The following HTR1F variants were observed in gnomAD, a reference collection of about 807,000 sequenced individuals.
HTR1F encodes 5-hydroxytryptamine receptor 1F.
A neutral mutation model predicts 24.0 loss-of-function variants in HTR1F; 17 were observed. That is an observed-to-expected ratio of 0.71 (90% CI 0.48 to 1.06). HTR1F has a LOEUF of 1.06. HTR1F is among the 50% of genes least tolerant of loss of function. HTR1F has a pLI of 0.00. For missense variants in HTR1F, 391 were observed against 427.8 expected (o/e 0.91, Z 0.76); for synonymous variants, 186 against 156.8 (o/e 1.19, Z -1.39).
chr3:87,822,133 TC>T lies in HTR1F; in HGVS notation c.-43+12del, dbSNP rs1157897884. Among the ~76,000 whole-genome samples, 1 of 152,018 alleles carries T rather than the reference TC, an allele frequency of 6.6e-6. No individual in the cohort carries two copies. The highest frequency in any genetic ancestry group is 6.6e-5 in the Admixed American group (1 of 15,266). ...CAATCTACCACAGTATGGTAAGCATTCCCAGCTTTAAACCATGAAGAAAAAT... is the reference window on the plus strand; with the variant it reads ...CAATCTACCACAGTATGGTAAGCATTCCAGCTTTAAACCATGAAGAAAAAT... On this transcript the variant is annotated intron_variant, in intron 2 of 2. Coordinates refer to ENST00000319595, the MANE Select transcript of HTR1F (RefSeq NM_001322209.2).
In HTR1F at chr3:87,867,013, A is replaced by C. The variant is rs577143610; in HGVS notation, c.-43+44889A>C. 2.0e-5 allele frequency among the ~76,000 whole-genome samples: 3 copies of C among 152,084 alleles called. No individual in the cohort carries two copies. In the South Asian group the frequency reaches 6.3e-4, roughly 32 times the overall value. ...AATTAAGTTTATAAACAAAATACTG[A>C]TGCAATATGATGGTTGCAGAAAATT... On this transcript the variant is annotated intron_variant, in intron 2 of 2. Transcript: ENST00000319595.
chr3:87,896,188 A>G (rs767714815), intron 2 of HTR1F, among the ~76,000 whole-genome samples: 170 of 152,110 alleles, frequency 1.1e-3, no homozygotes, highest in East Asian at 3.3e-3. Context: ...CAGCCAATCA[A>G]TCTCACCTCA....
At chr3:87,846,529 G>T (rs1023272497) in intron 2 of HTR1F, among the ~76,000 whole-genome samples, 3 of 151,936 alleles carry the variant, frequency 2.0e-5, no homozygotes, top group East Asian at 3.9e-4. Context: ...GAAAAATAAG[G>T]CTCATAAAAA....
intron 2 of HTR1F, among the ~76,000 whole-genome samples, chr3:87,857,214 TTA>T (rs1157417390): frequency 6.6e-6 from 1 of 152,052 alleles, no homozygotes; most frequent in African/African-American, 2.4e-5. Context: ...ACAAATATTT[TTA>T]TGTTGTAGTA....
intron 2 of HTR1F, among the ~76,000 whole-genome samples, chr3:87,872,855 C>G (rs1372707623): frequency 6.6e-6 from 1 of 151,948 alleles, no homozygotes; most frequent in Non-Finnish European, 1.5e-5. Context: ...ACAACTCCGC[C>G]AAACTTTTAA....
intron 2 of HTR1F, among the ~76,000 whole-genome samples, chr3:87,866,899 C>T (rs1005893300): frequency 2.1e-4 from 32 of 150,006 alleles, no homozygotes; most frequent in Non-Finnish European, 4.0e-4. Context: ...GTGTGTAGTA[C>T]CACTTTTTTA....
intron 2 of HTR1F, among the ~76,000 whole-genome samples, chr3:87,843,025 T>C (rs907059935): frequency 6.6e-6 from 1 of 151,840 alleles, no homozygotes; most frequent in African/African-American, 2.4e-5. Context: ...GTGACCTCTA[T>C]CTTCAAAGCA....
At chr3:87,864,058 C>T (rs1705371823) in intron 2 of HTR1F, among the ~76,000 whole-genome samples, 1 of 152,312 alleles carries the variant, frequency 6.6e-6, no homozygotes, top group African/African-American at 2.4e-5. Context: ...CTGTATCACT[C>T]TGATACTTCT....
intron 2 of HTR1F, among the ~76,000 whole-genome samples, chr3:87,906,549 C>A (rs763902026): frequency 1.1e-4 from 16 of 149,504 alleles, no homozygotes; most frequent in Non-Finnish European, 2.1e-4. Flanking sequence ...CTTTCTTTTT[C>A]TTTATTTCAA....
At chr3:87,900,945 T>C (rs2107324738) in intron 2 of HTR1F, among the ~76,000 whole-genome samples, 1 of 152,196 alleles carries the variant, frequency 6.6e-6, no homozygotes, top group East Asian at 1.9e-4. Flanking sequence ...AGTTTGGAAG[T>C]CATGAGGATA....
intron 1 of HTR1F, among the ~76,000 whole-genome samples, chr3:87,813,170 C>T (rs1704189285): frequency 6.6e-6 from 1 of 152,158 alleles, no homozygotes; most frequent in South Asian, 2.1e-4. Context: ...CACTGTGTGC[C>T]TGGAAAAGCC....
At position 87,829,953 on chromosome 3, in the gene HTR1F, T is replaced by C. The variant is rs1407658521; in HGVS notation, c.-43+7829T>C. ...AACTGACTAATCACTTTTGCTTGTGTAAAATTTTTTATCCTTAAATAGTCT... is the reference window on the plus strand; with the variant it reads ...AACTGACTAATCACTTTTGCTTGTGCAAAATTTTTTATCCTTAAATAGTCT... On this transcript the variant is annotated intron_variant, in intron 2 of 2. Coordinates refer to ENST00000319595, the MANE Select transcript of HTR1F (RefSeq NM_001322209.2). Among the ~76,000 whole-genome samples, 5 of 152,184 alleles carry C rather than the reference T, an allele frequency of 3.3e-5. No homozygotes were observed. In the East Asian group the frequency reaches 9.6e-4, roughly 29 times the overall value.
At chr3:87,883,964 CCAACATT>C (rs1022201681) in intron 2 of HTR1F, among the ~76,000 whole-genome samples, 3 of 152,156 alleles carry the variant, frequency 2.0e-5, no homozygotes, top group African/African-American at 7.2e-5. Context: ...GCAAGGCAAG[CCAACATT>C]CAAATTCAGG....
chr3:87,862,606 C>A (rs1559609782), intron 2 of HTR1F, among the ~76,000 whole-genome samples: 1 of 152,148 alleles, frequency 6.6e-6, no homozygotes, highest in East Asian at 1.9e-4. Context: ...CAAATTTACT[C>A]CATTAGACAC....
chr3:87,876,509 G>A (rs1705675786), intron 2 of HTR1F, among the ~76,000 whole-genome samples: 1 of 152,162 alleles, frequency 6.6e-6, no homozygotes, highest in Non-Finnish European at 1.5e-5. Flanking sequence ...CATTATAGGT[G>A]AAATAAGCCA....
chr3:87,872,637 AAAG>A (rs1260171263), intron 2 of HTR1F, among the ~76,000 whole-genome samples: 1 of 152,100 alleles, frequency 6.6e-6, no homozygotes, highest in Non-Finnish European at 1.5e-5. Flanking sequence ...CAGAAATAAA[AAAG>A]ATCATAAGAG....
chr3:87,860,444 A>AAC (rs1453214240), intron 2 of HTR1F, among the ~76,000 whole-genome samples: 4 of 152,166 alleles, frequency 2.6e-5, no homozygotes, highest in African/African-American at 9.7e-5. Flanking sequence ...TTTTCAATAG[A>AAC]ACTCTGACAC....
At chr3:87,866,235 A>C (rs1479370427) in intron 2 of HTR1F, among the ~76,000 whole-genome samples, 1 of 152,230 alleles carries the variant, frequency 6.6e-6, no homozygotes, top group African/African-American at 2.4e-5. Context: ...CTCAAATGCA[A>C]AAGCAAATAT....
intron 1 of HTR1F, among the ~76,000 whole-genome samples, chr3:87,796,666 C>CT (rs895316996): frequency 9.2e-5 from 14 of 152,038 alleles, no homozygotes; most frequent in African/African-American, 1.4e-4. Context: ...GAAGAAAGTA[C>CT]TTTTTTTAAG....
Sources: allele counts gnomAD v4.1 joint callset (sites outside exome capture counted in the v4.1 genomes callset), GRCh38; gene constraint gnomAD v4.1.1; transcripts MANE v1.5; gene names NCBI Gene and HGNC (gene_info 2026-07-23, HGNC 2026-07-21).